The following WDR75 variants were observed in gnomAD, a reference collection of about 807,000 sequenced individuals.
WDR75 encodes the protein WD repeat domain 75.
WDR75 carries 52 observed loss-of-function variants against 106.1 expected under a neutral mutation model. The observed-to-expected ratio is 0.49, with a 90% CI of 0.39 to 0.62. The LOEUF (loss-of-function observed/expected upper bound fraction) is 0.62. Ranked by LOEUF, WDR75 falls within the 20% of genes least tolerant of loss-of-function variation. The probability of loss-of-function intolerance (pLI) is 0.00; values close to 1 mark genes in which losing one functional copy is unlikely to be tolerated. For synonymous variants in WDR75, 333 were observed against 335.5 expected, an observed-to-expected ratio of 0.99 and a Z score of 0.08; for missense variants, 905 against 970.3, an observed-to-expected ratio of 0.93 and a Z score of 0.89.
chr2:189,466,627 G>T, intron 13 of WDR75, 45 bp downstream of exon 13: 1 of 1,552,644 alleles, frequency 6.4e-7, no homozygotes, highest in Non-Finnish European at 8.7e-7. Context: ...ACAATTTTAG[G>T]AATTAATTTC....
chr2:189,458,198 C>T (rs968266186), intron 6 of WDR75, among the ~76,000 whole-genome samples: 6 of 152,318 alleles, frequency 3.9e-5, no homozygotes, highest in African/African-American at 1.4e-4. Context: ...GCTGGGATTA[C>T]AGGCGTGAGC....
intron 6 of WDR75, 67 bp downstream of exon 6, chr2:189,457,448 T>C: frequency 9.9e-7 from 1 of 1,007,480 alleles, no homozygotes; most frequent in South Asian, 1.4e-5. Flanking sequence ...TATTTCTTCC[T>C]AATACCTATA....
chr2:189,455,451 T>G lies in WDR75; in HGVS notation c.498+7T>G. On this transcript the variant is annotated splice_region_variant and intron_variant, in intron 5 of 20. Coordinates refer to ENST00000314761, the MANE Select transcript of WDR75 (RefSeq NM_032168.3). ...CATTGCCTTTGGAAACGAGGTAAAT[T>G]TTGTTTTGTTCGTTTTCTGTTTTGT... is the stretch of plus-strand genomic sequence containing the variant. 1 of 1,602,970 alleles carries G rather than the reference T, an allele frequency of 6.2e-7. No individual in the cohort carries two copies. Among genetic ancestry groups the G allele is most frequent in the Non-Finnish European group, 8.5e-7 (1 of 1,175,800 alleles).
chr2:189,466,259 G>A (rs745851095), intron 12 of WDR75, among the ~76,000 whole-genome samples, 166 bp from the exon 13 acceptor site: 1 of 152,088 alleles, frequency 6.6e-6, no homozygotes, highest in East Asian at 1.9e-4. Flanking sequence ...AACTCTTTGC[G>A]TCCTGTGGCC....
At chr2:189,461,838 G>A (rs1382694084) in intron 8 of WDR75, among the ~76,000 whole-genome samples, 1 of 152,142 alleles carries the variant, frequency 6.6e-6, no homozygotes, top group Non-Finnish European at 1.5e-5. Flanking sequence ...TTAACTTTTA[G>A]TGTGGTGTTT....
chr2:189,469,586 T>G (rs1470397346), intron 16 of WDR75, 147 bp downstream of exon 16: 1 of 638,194 alleles, frequency 1.6e-6, no homozygotes, highest in African/African-American at 1.8e-5. Flanking sequence ...CCCAACACTT[T>G]GTCATTGTGT....
chr2:189,446,054 C>G (rs1286662604), intron 1 of WDR75, among the ~76,000 whole-genome samples: 2 of 152,142 alleles, frequency 1.3e-5, no homozygotes, highest in Non-Finnish European at 2.9e-5. Context: ...ACCACTGTCT[C>G]AAGGAAGCCA....
chr2:189,450,635 A>G, intron 2 of WDR75: 1 of 1,251,832 alleles, frequency 8.0e-7, no homozygotes, highest in African/African-American at 1.6e-5. Flanking sequence ...TATCTCATTC[A>G]AAACCTTACC....
chr2:189,468,536 ATTC>A lies in WDR75; in HGVS notation c.1693_1695del (p.Leu565del). ...TCTACTTGGTGCTACTGAAAATGGC[ATTC>A]TTTGCTGTTGGAATCTGCTGAGCTG... On this transcript the variant is annotated inframe_deletion, in exon 15 of 21. Coordinates refer to ENST00000314761, the MANE Select transcript of WDR75 (RefSeq NM_032168.3). 1 of 1,613,328 alleles carries A rather than the reference ATTC, an allele frequency of 6.2e-7. No homozygotes were observed. The highest frequency in any genetic ancestry group is 8.5e-7 in the Non-Finnish European group (1 of 1,179,446).
intron 2 of WDR75, 67 bp from the exon 3 acceptor site, chr2:189,450,836 T>G: frequency 1.3e-6 from 2 of 1,591,902 alleles, no homozygotes; most frequent in Non-Finnish European, 1.7e-6. Context: ...CAACATTTAA[T>G]TATTCATTTG....
At position 189,474,259 on chromosome 2, in the gene WDR75, A is replaced by G. The variant is rs762735767; in HGVS notation, c.2123A>G (p.Glu708Gly). The G allele has an allele frequency of 6.2e-7, 1 of 1,614,034 alleles. No individual in the cohort carries two copies. The highest frequency in any genetic ancestry group is 8.5e-7 in the Non-Finnish European group (1 of 1,179,924). Reference sequence around the variant, plus strand: ...GGAAAACACAGGCAACAGCAGGATGAAAAACTAAACGAAACTTTAGAGAAT... The same window carrying G: ...GGAAAACACAGGCAACAGCAGGATGGAAAACTAAACGAAACTTTAGAGAAT... Reference protein sequence around the residue: ...ILGKHRQQQDEKLNETLENEL... With the variant: ...ILGKHRQQQDGKLNETLENEL... Residue 708 changes from glutamate (E) to glycine (G), a missense_variant, in exon 19 of 21, where the codon GAA becomes GGA. Coordinates refer to ENST00000314761, the MANE Select transcript of WDR75 (RefSeq NM_032168.3).
At chr2:189,474,389 T>C in intron 19 of WDR75, 57 bp downstream of exon 19, 1 of 1,548,848 alleles carries the variant, frequency 6.5e-7, no homozygotes. Context: ...GCACCTGAAG[T>C]TGGAGTTTTG....
At chr2:189,442,266 A>C (rs1367920704) in intron 1 of WDR75, among the ~76,000 whole-genome samples, 1 of 152,134 alleles carries the variant, frequency 6.6e-6, no homozygotes, top group East Asian at 1.9e-4. Context: ...TTAAAACTAC[A>C]GACAACAATG....
At chr2:189,455,854 T>C (rs1558983934) in intron 5 of WDR75, among the ~76,000 whole-genome samples, 1 of 152,070 alleles carries the variant, frequency 6.6e-6, no homozygotes, top group Admixed American at 6.5e-5. Context: ...ATTCATAAAA[T>C]AACTTTTCCC....
chr2:189,469,894 C>G (rs1364281149), intron 16 of WDR75, among the ~76,000 whole-genome samples, 182 bp from the exon 17 acceptor site: 1 of 152,136 alleles, frequency 6.6e-6, no homozygotes, highest in Non-Finnish European at 1.5e-5. Context: ...GCCCTCATTC[C>G]TAACCTGCCT....
rs1257686719 is a variant in WDR75, at chr2:189,467,586, A to C, written c.1566A>C (p.Thr522=). ...CAGTTAGTTTTGAGGAAATAGTCACAATATGGGATTCTGTAACATGGGAAC... is the reference window on the plus strand; with the variant it reads ...CAGTTAGTTTTGAGGAAATAGTCACCATATGGGATTCTGTAACATGGGAAC... ...LLAVSFEEIV[T]IWDSVTWELK... is the part of the protein sequence containing the mutation. The change falls in exon 14 of 21, where the codon ACA becomes ACC. Residue 522 remains threonine, a synonymous_variant. Coordinates refer to ENST00000314761, the MANE Select transcript of WDR75 (RefSeq NM_032168.3). 2 of 1,610,542 alleles carry C rather than the reference A, an allele frequency of 1.2e-6. No individual in the cohort carries two copies.
chr2:189,457,505 T>A, intron 6 of WDR75, 124 bp downstream of exon 6: 1 of 637,798 alleles, frequency 1.6e-6, no homozygotes, highest in Non-Finnish European at 2.7e-6. Flanking sequence ...TGTAAGACTG[T>A]GAAGTATGGA....
At chr2:189,450,337 G>C (rs1425465828) in intron 2 of WDR75, 6 of 973,758 alleles carry the variant, frequency 6.2e-6, no homozygotes, top group Non-Finnish European at 6.1e-6. Flanking sequence ...GCTCTTGTGT[G>C]GGTGTTTTTG....
intron 8 of WDR75, 91 bp downstream of exon 8, chr2:189,459,515 C>T: frequency 2.5e-6 from 3 of 1,208,284 alleles, no homozygotes; most frequent in Non-Finnish European, 3.6e-6. Flanking sequence ...AGATTTAAAA[C>T]TGCATGAGCC....
Sources: gnomAD v4.1 joint callset for allele counts (sites outside exome capture counted in the v4.1 genomes callset) on GRCh38, gnomAD v4.1.1 for gene constraint, MANE v1.5 for transcripts, NCBI Gene and HGNC (gene_info 2026-07-23, HGNC 2026-07-21) for gene names.